Variants in SCLT1 observed in about 807,000 individuals in gnomAD.
SCLT1 encodes sodium channel and clathrin linker 1.
In SCLT1, 78 loss-of-function variants were observed where a neutral mutation model predicts 112.8. The ratio of observed to expected loss-of-function variants is 0.69; its 90% CI spans 0.58 to 0.83. The LOEUF (loss-of-function observed/expected upper bound fraction) is 0.83. SCLT1 is among the 40% of genes least tolerant of loss of function. The probability of loss-of-function intolerance (pLI) is 0.00; values close to 1 mark genes in which losing one functional copy is unlikely to be tolerated. For synonymous variants in SCLT1, 257 were observed against 254.7 expected, an observed-to-expected ratio of 1.01 and a Z score of -0.09; for missense variants, 747 against 770.4, an observed-to-expected ratio of 0.97 and a Z score of 0.36.
At chr4:129,085,951 C>T (rs760565838) in intron 1 of SCLT1, among the ~76,000 whole-genome samples, 7 of 151,940 alleles carry the variant, frequency 4.6e-5, no homozygotes, top group East Asian at 1.9e-4. Context: ...ACAACAAATG[C>T]CCATGACACA....
intron 17 of SCLT1, among the ~76,000 whole-genome samples, chr4:128,939,971 CTAGT>C (rs1737543327): frequency 6.6e-6 from 1 of 152,084 alleles, no homozygotes; most frequent in African/African-American, 2.4e-5. Flanking sequence ...AGAATTATAG[CTAGT>C]TAGTTAAGAC....
intron 18 of SCLT1, among the ~76,000 whole-genome samples, chr4:128,905,557 C>T (rs1207801119): frequency 2.6e-5 from 4 of 152,000 alleles, no homozygotes; most frequent in African/African-American, 9.7e-5. Context: ...ACTACTTAAA[C>T]ATTCTACTTA....
intron 2 of SCLT1, among the ~76,000 whole-genome samples, chr4:129,078,950 T>C (rs2125768635): frequency 6.6e-6 from 1 of 152,188 alleles, no homozygotes; most frequent in Non-Finnish European, 1.5e-5. Flanking sequence ...AGGCACATCT[T>C]ACATGACTGG....
intron 10 of SCLT1, among the ~76,000 whole-genome samples, chr4:128,966,641 C>A (rs1740221084): frequency 6.6e-6 from 1 of 152,172 alleles, no homozygotes; most frequent in Non-Finnish European, 1.5e-5. Context: ...CATTTGGTGT[C>A]ATTTCCATTT....
chr4:129,091,560 T>A (rs1440530636), intron 1 of SCLT1, among the ~76,000 whole-genome samples: 1 of 152,020 alleles, frequency 6.6e-6, no homozygotes, highest in Non-Finnish European at 1.5e-5. Flanking sequence ...ACACTACTCT[T>A]ACGGTGGCCA....
At chr4:129,086,993 T>C (rs1752450005) in intron 1 of SCLT1, among the ~76,000 whole-genome samples, 1 of 152,070 alleles carries the variant, frequency 6.6e-6, no homozygotes. Context: ...CATCAGACAA[T>C]GATAATCAGA....
chr4:129,087,206 G>A (rs531991170), intron 1 of SCLT1, among the ~76,000 whole-genome samples: 1 of 145,156 alleles, frequency 6.9e-6, no homozygotes, highest in African/African-American at 2.4e-5. Context: ...AAGAACCCTA[G>A]GGAATGTGAG....
At chr4:129,042,840 C>T (rs551258236) in intron 4 of SCLT1, among the ~76,000 whole-genome samples, 1 of 151,756 alleles carries the variant, frequency 6.6e-6, no homozygotes, top group East Asian at 2.0e-4. Context: ...TTTGGGAGGC[C>T]GAGGCAGGCG....
intron 1 of SCLT1, among the ~76,000 whole-genome samples, chr4:129,085,740 A>C (rs921828120): frequency 3.3e-5 from 5 of 152,210 alleles, no homozygotes; most frequent in South Asian, 4.1e-4. Flanking sequence ...GGAGACCATT[A>C]TCCTTAGCAA....
At chr4:129,031,854 T>A (rs1746753153) in intron 5 of SCLT1, among the ~76,000 whole-genome samples, 1 of 152,172 alleles carries the variant, frequency 6.6e-6, no homozygotes, top group South Asian at 2.1e-4. Flanking sequence ...GAAGAATTAA[T>A]ATTGTGAAAA....
chr4:128,954,322 T>C (rs893197200), intron 13 of SCLT1, among the ~76,000 whole-genome samples: 11 of 149,282 alleles, frequency 7.4e-5, no homozygotes, highest in Non-Finnish European at 1.3e-4. Context: ...TTTTAGTTTT[T>C]TTTTTTTTTT....
Position 129,061,874 on chromosome 4 carries a change from C to T in SCLT1, c.103-17823G>A, listed in dbSNP as rs116649930. Among the ~76,000 whole-genome samples, 690 of 152,266 alleles carry T rather than the reference C, an allele frequency of 4.5e-3. 2 individuals carry two copies. The highest frequency in any genetic ancestry group is 0.016 in the African/African-American group (656 of 41,558). On this transcript the variant is annotated intron_variant, in intron 2 of 20. Transcript: ENST00000281142. ...AATTTCAATTCCACAGTGCATAGCACACTAGTTGCATAAGCCTCAGGTGTC... is the reference window on the plus strand; with the variant it reads ...AATTTCAATTCCACAGTGCATAGCATACTAGTTGCATAAGCCTCAGGTGTC...
downstream of SCLT1, among the ~76,000 whole-genome samples, chr4:128,880,232 G>A (rs1363041027): frequency 6.6e-6 from 1 of 152,146 alleles, no homozygotes; most frequent in Non-Finnish European, 1.5e-5. Context: ...CATCTGACAT[G>A]TGCTGATCAG....
intron 2 of SCLT1, among the ~76,000 whole-genome samples, chr4:129,063,355 C>A (rs1156426212): frequency 6.6e-6 from 1 of 152,234 alleles, no homozygotes; most frequent in African/African-American, 2.4e-5. Flanking sequence ...CCACTCCATA[C>A]CTTCAGCCAT....
intron 2 of SCLT1, among the ~76,000 whole-genome samples, chr4:129,078,910 C>G (rs1453609332): frequency 2.6e-5 from 4 of 152,140 alleles, no homozygotes; most frequent in Non-Finnish European, 4.4e-5. Context: ...CCTCAGGAAA[C>G]TTTCAGAATG....
At chr4:128,960,926 CAAAA>C (rs34599122) in intron 11 of SCLT1, among the ~76,000 whole-genome samples, 1 of 52,488 alleles carries the variant, frequency 1.9e-5, no homozygotes, top group African/African-American at 8.3e-5. Context: ...GACTCCGTCT[CAAAA>C]AAAAAAAAAA....
downstream of SCLT1, among the ~76,000 whole-genome samples, chr4:128,882,402 T>TATC (rs1232982329): frequency 2.0e-5 from 3 of 152,236 alleles, no homozygotes; most frequent in African/African-American, 7.2e-5. Context: ...CATTTGATAC[T>TATC]ATCAACCATG....
At chr4:129,045,157 C>A (rs142806215) in intron 2 of SCLT1, among the ~76,000 whole-genome samples, 2 of 152,006 alleles carry the variant, frequency 1.3e-5, no homozygotes, top group East Asian at 3.9e-4. Flanking sequence ...CAAGAAAATG[C>A]ATTATTGACC....
Position 129,043,399 on chromosome 4 carries a change from TA to T in SCLT1, c.229del (p.Tyr77ThrfsTer8). On this transcript the variant is annotated frameshift_variant, in exon 4 of 21. Transcript: ENST00000281142. LOFTEE classifies it high-confidence loss of function. Reference protein sequence around the residue: ...LGELNGQLKYYQKQVGEMKLQ... With the variant: ...LGELNGQLKYXQKQVGEMKLQ... The stretch of plus-strand genomic sequence containing the variant: ...CTCATAACTATGATTTCATACCTGG[TA>T]ATATTTCAGCTGCCCATTTAGTTCT... 3 of 1,452,658 alleles carry T rather than the reference TA, an allele frequency of 2.1e-6. No individual in the cohort carries two copies. Among genetic ancestry groups the T allele is most frequent in the Non-Finnish European group, 2.9e-6 (3 of 1,044,068 alleles). The allele number at this position is 1,452,658 out of a possible 1,614,324, so 90.0% of individuals were successfully genotyped here. A position where few individuals can be genotyped will look rare whatever the true frequency, so the allele number is the denominator to read the frequency against.
Sources: allele counts gnomAD v4.1 joint callset (sites outside exome capture counted in the v4.1 genomes callset), GRCh38; gene constraint gnomAD v4.1.1; transcripts MANE v1.5; gene names NCBI Gene and HGNC (gene_info 2026-07-23, HGNC 2026-07-21).